The following FIRRM variants were observed in gnomAD, a reference collection of about 807,000 sequenced individuals.
FIRRM encodes FIGNL1-interacting regulator of recombination and mitosis.
the FIRRM span, chr1:169,793,252 T>TA: frequency 4.0e-5 from 64 of 1,614,070 alleles, no homozygotes; most frequent in Non-Finnish European, 5.3e-5. Flanking sequence ...AAAAGCTTTT[T>TA]GAAACTATGT....
chr1:169,834,076 T>C, the FIRRM span, among the ~76,000 whole-genome samples: 5 of 152,148 alleles, frequency 3.3e-5, no homozygotes, highest in South Asian at 6.2e-4. Context: ...TTTTAACTTT[T>C]AAAATAATAT....
chr1:169,836,697 A>G, the FIRRM span, among the ~76,000 whole-genome samples: 1 of 152,186 alleles, frequency 6.6e-6, no homozygotes, highest in African/African-American at 2.4e-5. Context: ...TGGTGCATTT[A>G]TATTGTGCTC....
the FIRRM span, chr1:169,803,258 T>C: frequency 9.7e-5 from 157 of 1,613,856 alleles, no homozygotes; most frequent in African/African-American, 2.0e-3. Flanking sequence ...ATATTCAGAG[T>C]CTCCCCTCCT....
At chr1:169,826,085 T>G in the FIRRM span, 95 of 335,504 alleles carry the variant, frequency 2.8e-4, no homozygotes, top group Non-Finnish European at 3.7e-5. Flanking sequence ...TTTTTTTTCT[T>G]TTTTGAGATG....
At chr1:169,827,744 T>G in the FIRRM span, 7 of 1,614,150 alleles carry the variant, frequency 4.3e-6, no homozygotes, top group African/African-American at 2.7e-5. Flanking sequence ...CCACAATGTC[T>G]TCTTCTGGTT....
the FIRRM span, chr1:169,842,572 A>C: frequency 6.3e-7 from 1 of 1,598,792 alleles, no homozygotes; most frequent in Non-Finnish European, 8.5e-7. Context: ...TCCTTATCAA[A>C]AAATAGAAAA....
the FIRRM span, among the ~76,000 whole-genome samples, chr1:169,787,170 A>G: frequency 4.6e-5 from 7 of 152,194 alleles, no homozygotes; most frequent in Admixed American, 1.3e-4. Flanking sequence ...CTTTCCCTGC[A>G]GGGTGCAGTG....
At chr1:169,826,426 A>G in the FIRRM span, among the ~76,000 whole-genome samples, 1 of 143,390 alleles carries the variant, frequency 7.0e-6, no homozygotes, top group Non-Finnish European at 1.5e-5. Flanking sequence ...GCAGTGGCGC[A>G]GTCTTGGCTC....
chr1:169,823,574 T>C, the FIRRM span: 4 of 675,692 alleles, frequency 5.9e-6, no homozygotes, highest in South Asian at 1.1e-4. Context: ...TAATTTTTCT[T>C]AATGTTTTAG....
At chr1:169,793,378 A>G in the FIRRM span, 1 of 1,614,180 alleles carries the variant, frequency 6.2e-7, no homozygotes, top group South Asian at 1.1e-5. Context: ...TTAAATCTTT[A>G]GGCATAGCAT....
chr1:169,795,280 T>C, the FIRRM span: 1 of 1,496,320 alleles, frequency 6.7e-7, no homozygotes, highest in East Asian at 2.5e-5. Context: ...CTTTCTCTTC[T>C]GTCCCTTCAG....
the FIRRM span, chr1:169,794,842 C>G: frequency 2.1e-6 from 1 of 476,300 alleles, no homozygotes; most frequent in Non-Finnish European, 3.8e-6. Context: ...CCGACGTGTC[C>G]TGGGATCGCG....
chr1:169,842,758 G>A, the FIRRM span, among the ~76,000 whole-genome samples: 1 of 152,146 alleles, frequency 6.6e-6, no homozygotes, highest in Non-Finnish European at 1.5e-5. Flanking sequence ...TGTGATGGCA[G>A]TCCACCTACT....
the FIRRM span, among the ~76,000 whole-genome samples, chr1:169,788,765 G>A: frequency 6.6e-6 from 1 of 152,214 alleles, no homozygotes; most frequent in African/African-American, 2.4e-5. Context: ...GCTCTGTGAG[G>A]GGTAAAATGC....
chr1:169,803,108 C>T, the FIRRM span: 1 of 1,510,030 alleles, frequency 6.6e-7, no homozygotes, highest in Non-Finnish European at 9.1e-7. Flanking sequence ...AGCATGCTGA[C>T]TAATACCTTT....
chr1:169,842,585 T>C, the FIRRM span: 1 of 1,589,164 alleles, frequency 6.3e-7, no homozygotes, highest in Admixed American at 1.8e-5. Context: ...ATAGAAAATA[T>C]CAAAAAAAGA....
the FIRRM span, among the ~76,000 whole-genome samples, chr1:169,844,391 G>A: frequency 7.9e-5 from 12 of 152,288 alleles, no homozygotes; most frequent in African/African-American, 2.9e-4. Flanking sequence ...GTCCATACTA[G>A]ACAGAATTGA....
chr1:169,830,262 G>A, the FIRRM span: 1 of 1,609,020 alleles, frequency 6.2e-7, no homozygotes, highest in Middle Eastern at 1.7e-4. Context: ...TGATTAGGAT[G>A]CTGCTCTGCT....
chr1:169,819,052 A>G, the FIRRM span, among the ~76,000 whole-genome samples: 1 of 152,222 alleles, frequency 6.6e-6, no homozygotes, highest in Non-Finnish European at 1.5e-5. Context: ...GGGCCAGGAA[A>G]GCATGCGGTT....
Sources: gnomAD v4.1 joint callset for allele counts (sites outside exome capture counted in the v4.1 genomes callset) on GRCh38, gnomAD v4.1.1 for gene constraint, MANE v1.5 for transcripts, NCBI Gene and HGNC (gene_info 2026-07-23, HGNC 2026-07-21) for gene names.